CDHR3: variants seen among roughly 807,000 people sequenced by gnomAD.
CDHR3 encodes the protein cadherin related family member 3, also known as cadherin-related family member 3.
CDHR3 carries 79 observed loss-of-function variants against 86.6 expected under a neutral mutation model. The observed-to-expected ratio is 0.91, with a 90% CI of 0.76 to 1.10. CDHR3 has a LOEUF of 1.10. CDHR3 is among the 50% of genes least tolerant of loss of function. The pLI, the probability that CDHR3 is intolerant of heterozygous loss-of-function variation, is 0.00. For missense variants in CDHR3, 1,081 were observed against 1,077.6 expected, an observed-to-expected ratio of 1.00 and a Z score of -0.04; for synonymous variants, 421 against 402.4, an observed-to-expected ratio of 1.05 and a Z score of -0.55.
chr7:105,994,706 G>A, intron 4 of CDHR3, 45 bp from the exon 5 acceptor site: 1 of 1,273,430 alleles, frequency 7.9e-7, no homozygotes, highest in South Asian at 1.3e-5. Flanking sequence ...GGGGAAGGGT[G>A]GGCAGGTGGG....
intron 16 of CDHR3, chr7:106,028,294 A>T: frequency 2.1e-6 from 1 of 483,084 alleles, no homozygotes; most frequent in Non-Finnish European, 3.7e-6. Context: ...GTCCACTGAT[A>T]ATAAGCTAGA....
At chr7:105,969,984 G>A (rs1827693942) in intron 1 of CDHR3, among the ~76,000 whole-genome samples, 1 of 152,054 alleles carries the variant, frequency 6.6e-6, no homozygotes, top group African/African-American at 2.4e-5. Context: ...GTCAAGCAGT[G>A]GCAAAGCTAA....
At chr7:105,978,216 A>G (rs1350267657) in intron 2 of CDHR3, among the ~76,000 whole-genome samples, 5 of 152,144 alleles carry the variant, frequency 3.3e-5, no homozygotes, top group Non-Finnish European at 4.4e-5. Context: ...TCATTCAGCC[A>G]CTTGTAGCTA....
chr7:106,015,711 G>A, intron 10 of CDHR3: 1 of 577,868 alleles, frequency 1.7e-6, no homozygotes, highest in South Asian at 2.0e-5. Flanking sequence ...TCTCCTGGAA[G>A]CTGTTCCTAC....
Position 106,035,035 on chromosome 7 carries a change from C to T in CDHR3, c.*2338C>T, listed in dbSNP as rs547276369. Among the ~76,000 whole-genome samples, 7 of 150,698 alleles carry T rather than the reference C, an allele frequency of 4.6e-5. No individual in the cohort carries two copies. In the East Asian group the frequency reaches 5.8e-4, roughly 13 times the overall value. On this transcript the variant is annotated 3_prime_UTR_variant, in exon 19 of 19. Transcript: ENST00000317716. ...CAGAAGTTGCAGTGGGCTGAGATTGCGCCACTGCACTCCAGCCTGGGTGAC... is the reference window on the plus strand; with the variant it reads ...CAGAAGTTGCAGTGGGCTGAGATTGTGCCACTGCACTCCAGCCTGGGTGAC...
intron 8 of CDHR3, among the ~76,000 whole-genome samples, chr7:106,006,982 A>G (rs1304948552): frequency 6.6e-6 from 1 of 152,150 alleles, no homozygotes; most frequent in Non-Finnish European, 1.5e-5. Flanking sequence ...CATCCTCTCA[A>G]ATCTAAGCGG....
chr7:106,026,239 C>T (rs1837328001), intron 15 of CDHR3, among the ~76,000 whole-genome samples: 1 of 152,086 alleles, frequency 6.6e-6, no homozygotes, highest in South Asian at 2.1e-4. Flanking sequence ...GGGTCTGAGT[C>T]CAGCTCTTCA....
intron 14 of CDHR3, among the ~76,000 whole-genome samples, 168 bp from the exon 15 acceptor site, chr7:106,024,213 A>G (rs1473102102): frequency 6.6e-6 from 1 of 152,240 alleles, no homozygotes; most frequent in African/African-American, 2.4e-5. Context: ...TGCAAAGACT[A>G]TAAATAAGGT....
intron 1 of CDHR3, among the ~76,000 whole-genome samples, chr7:105,965,576 C>CCCCCA (rs1554507721): frequency 8.0e-6 from 1 of 125,474 alleles, no homozygotes; most frequent in Non-Finnish European, 1.8e-5. Flanking sequence ...CACCCCCCCC[C>CCCCCA]ATGGAGTCTT....
chr7:105,965,005 C>G (rs1425632009), intron 1 of CDHR3, among the ~76,000 whole-genome samples: 1 of 151,892 alleles, frequency 6.6e-6, no homozygotes, highest in East Asian at 1.9e-4. Flanking sequence ...TAGGAAGAAC[C>G]CAATTTCTTA....
Position 106,018,015 on chromosome 7 carries a change from C to T in CDHR3, c.1596C>T (p.Thr532=). Reference sequence around the variant, plus strand: ...TAACTAAAGTGGACTGTGAAACAACCCCCATCTATATTCTCAGAATCCAGG... The same window carrying T: ...TAACTAAAGTGGACTGTGAAACAACTCCCATCTATATTCTCAGAATCCAGG... The part of the protein sequence containing the change: ...QLVTKVDCET[T]PIYILRIQAT... The change falls in exon 12 of 19, where the codon ACC becomes ACT. Residue 532 remains threonine, a synonymous_variant. Coordinates refer to ENST00000317716, the MANE Select transcript of CDHR3 (RefSeq NM_152750.5). The T allele has an allele frequency of 5.0e-6, 8 of 1,613,866 alleles. No homozygotes were observed. The highest frequency in any genetic ancestry group is 6.8e-6 in the Non-Finnish European group (8 of 1,179,854).
chr7:105,979,469 T>A (rs1021006129), intron 2 of CDHR3, among the ~76,000 whole-genome samples: 1 of 152,174 alleles, frequency 6.6e-6, no homozygotes, highest in East Asian at 1.9e-4. Flanking sequence ...GAACTTGCAA[T>A]GTCCAACATA....
At chr7:105,970,823 G>T (rs1049579255) in intron 1 of CDHR3, among the ~76,000 whole-genome samples, 1 of 152,160 alleles carries the variant, frequency 6.6e-6, no homozygotes, top group African/African-American at 2.4e-5. Flanking sequence ...TAGAGCTGGA[G>T]AAACCGGATT....
chr7:106,003,479 C>T (rs996925574), intron 7 of CDHR3, among the ~76,000 whole-genome samples: 2 of 152,148 alleles, frequency 1.3e-5, no homozygotes, highest in Admixed American at 1.3e-4. Flanking sequence ...GATAGCAACT[C>T]AATGAACTAT....
chr7:106,018,110 C>A, intron 12 of CDHR3, 38 bp downstream of exon 12: 1 of 1,563,566 alleles, frequency 6.4e-7, no homozygotes, highest in Non-Finnish European at 8.8e-7. Context: ...GGTAACCCAA[C>A]TGGTTGACTT....
intron 2 of CDHR3, among the ~76,000 whole-genome samples, chr7:105,978,197 G>A (rs1478367310): frequency 6.6e-6 from 1 of 152,146 alleles, no homozygotes; most frequent in East Asian, 1.9e-4. Flanking sequence ...CCCAGCAAGA[G>A]GGATGTCCTC....
At chr7:105,974,412 A>G (rs537432546) in intron 1 of CDHR3, among the ~76,000 whole-genome samples, 1 of 152,316 alleles carries the variant, frequency 6.6e-6, no homozygotes, top group South Asian at 2.1e-4. Flanking sequence ...TGACCTCTAG[A>G]TTGCTGACGC....
In CDHR3 at chr7:106,024,536, C is replaced by A. The variant is rs771726662; in HGVS notation, c.2232C>A (p.Cys744Ter). The A allele has an allele frequency of 4.2e-5, 68 of 1,614,050 alleles. No homozygotes were observed. The highest frequency in any genetic ancestry group is 5.5e-5 in the Non-Finnish European group (65 of 1,179,896). ...LAKAIHRHCP[C>*]KTGKNKEPLT... ...AAGCCATCCACAGACACTGCCCCTG[C>A]AAGACTGGGAAGAACAAGGAACCTC... Residue 744 changes from cysteine (C) to a stop codon, truncating the protein, a stop_gained, in exon 15 of 19, where the codon TGC (cysteine) becomes TGA (stop). Transcript: ENST00000317716. LOFTEE classifies it high-confidence loss of function.
In CDHR3 at chr7:106,029,272, C is replaced by T. The variant is rs556172420; in HGVS notation, c.2304+690C>T. On this transcript the variant is annotated intron_variant, in intron 17 of 18. Transcript: ENST00000317716. ...CTGGGATTATAGGCATGAGCCACTG[C>T]GCCCAGCTGATTTAAACTTTCTTTG... 2.3e-4 allele frequency among the ~76,000 whole-genome samples: 35 copies of T among 152,216 alleles called. 1 individual carries two copies. The South Asian group carries it at 4.6e-3, about 20-fold the overall frequency.
Sources: allele counts gnomAD v4.1 joint callset (sites outside exome capture counted in the v4.1 genomes callset), GRCh38; gene constraint gnomAD v4.1.1; transcripts MANE v1.5; gene names NCBI Gene and HGNC (gene_info 2026-07-23, HGNC 2026-07-21).